BLTP1: variants seen among roughly 807,000 people sequenced by gnomAD.
BLTP1 encodes the protein fragile site-associated protein.
At chr4:122,308,731 C>G in the BLTP1 span, among the ~76,000 whole-genome samples, 297 of 152,162 alleles carry the variant, frequency 2.0e-3, no homozygotes, top group Non-Finnish European at 3.5e-3. Context: ...CTATGAACAC[C>G]TGTCAGGCCA....
chr4:122,203,753 AATG>A, the BLTP1 span: 2 of 343,676 alleles, frequency 5.8e-6, no homozygotes, highest in South Asian at 1.2e-4. Flanking sequence ...CTAATTATAA[AATG>A]ATATGTTGAA....
At chr4:122,205,929 T>C in the BLTP1 span, 40 of 984,644 alleles carry the variant, frequency 4.1e-5, no homozygotes, top group Non-Finnish European at 4.7e-5. Context: ...GAGTGTACAA[T>C]GCATGTAAAA....
chr4:122,360,379 T>C, the BLTP1 span, among the ~76,000 whole-genome samples: 1 of 152,232 alleles, frequency 6.6e-6, no homozygotes, highest in African/African-American at 2.4e-5. Context: ...TTGCTTTGTG[T>C]GTCCTTGTTT....
At chr4:122,331,165 A>G in the BLTP1 span, 1 of 930,820 alleles carries the variant, frequency 1.1e-6, no homozygotes. Flanking sequence ...TTCAGTACAT[A>G]GTAGCTGAAT....
chr4:122,179,734 G>T, the BLTP1 span: 1 of 548,110 alleles, frequency 1.8e-6, no homozygotes, highest in Non-Finnish European at 2.3e-6. Flanking sequence ...GTACACTTAT[G>T]TACAGAGAAA....
At chr4:122,272,972 C>CAGATATGGTCAG in the BLTP1 span, among the ~76,000 whole-genome samples, 3 of 151,934 alleles carry the variant, frequency 2.0e-5, no homozygotes, top group Non-Finnish European at 4.4e-5. Context: ...GGTCAGATGC[C>CAGATATGGTCAG]ATTGATTGTA....
At chr4:122,290,580 G>C in the BLTP1 span, among the ~76,000 whole-genome samples, 5 of 151,568 alleles carry the variant, frequency 3.3e-5, no homozygotes, top group African/African-American at 1.2e-4. Context: ...TAGGTCAGGA[G>C]GTCAAAACCA....
chr4:122,324,831 C>T, the BLTP1 span, among the ~76,000 whole-genome samples: 1 of 151,774 alleles, frequency 6.6e-6, no homozygotes, highest in African/African-American at 2.4e-5. Context: ...AAGTTTTATG[C>T]GTAAACTTAT....
At chr4:122,194,651 A>G in the BLTP1 span, 1 of 964,782 alleles carries the variant, frequency 1.0e-6, no homozygotes, top group Non-Finnish European at 1.2e-6. Flanking sequence ...GCTTTAACAT[A>G]GGGCCATGAA....
the BLTP1 span, among the ~76,000 whole-genome samples, chr4:122,248,320 T>C: frequency 2.5e-3 from 376 of 152,174 alleles, 3 homozygotes; most frequent in Non-Finnish European, 3.9e-3. Flanking sequence ...AGCAGAACCT[T>C]ATATAATTTT....
chr4:122,339,113 T>C, the BLTP1 span: 35 of 1,382,478 alleles, frequency 2.5e-5, no homozygotes, highest in Non-Finnish European at 3.1e-5. Flanking sequence ...AAAAAAATGT[T>C]TCTTAAGTTT....
chr4:122,176,163 C>T, the BLTP1 span, among the ~76,000 whole-genome samples: 6 of 151,788 alleles, frequency 4.0e-5, no homozygotes, highest in Admixed American at 2.0e-4. Context: ...ATTAGCTGGG[C>T]GTGGTGGTGG....
At chr4:122,152,695 C>T in the BLTP1 span, 1 of 940,560 alleles carries the variant, frequency 1.1e-6, no homozygotes, top group Non-Finnish European at 1.3e-6. Context: ...TAGTGGCTGC[C>T]TGCGGCGGCG....
At chr4:122,254,359 T>G in the BLTP1 span, 1 of 1,551,234 alleles carries the variant, frequency 6.4e-7, no homozygotes, top group South Asian at 1.1e-5. Context: ...AAAGAGTTTT[T>G]AAAATATAGT....
the BLTP1 span, chr4:122,324,506 G>GA: frequency 6.2e-7 from 1 of 1,610,708 alleles, no homozygotes; most frequent in East Asian, 2.2e-5. Context: ...GCTTCTGGAA[G>GA]ACCACCTCTT....
the BLTP1 span, among the ~76,000 whole-genome samples, chr4:122,296,127 G>T: frequency 6.6e-6 from 1 of 152,178 alleles, no homozygotes; most frequent in African/African-American, 2.4e-5. Flanking sequence ...AATAGGAAGA[G>T]AAGTCAAATT....
the BLTP1 span, chr4:122,183,028 A>G: frequency 1.0e-6 from 1 of 985,118 alleles, no homozygotes; most frequent in Non-Finnish European, 1.2e-6. Context: ...TGAAGTAACT[A>G]CTTTTCTCAA....
At chr4:122,157,168 G>A in the BLTP1 span, among the ~76,000 whole-genome samples, 3 of 152,158 alleles carry the variant, frequency 2.0e-5, no homozygotes, top group African/African-American at 2.4e-5. Context: ...CTTTGTATTA[G>A]TATCTATGGC....
the BLTP1 span, chr4:122,219,042 C>T: frequency 3.9e-6 from 2 of 511,776 alleles, no homozygotes; most frequent in Non-Finnish European, 5.0e-6. Flanking sequence ...TGCAAACCTT[C>T]AGAGGTCTCT....
Sources: gnomAD v4.1 joint callset for allele counts (sites outside exome capture counted in the v4.1 genomes callset) on GRCh38, gnomAD v4.1.1 for gene constraint, MANE v1.5 for transcripts, NCBI Gene and HGNC (gene_info 2026-07-23, HGNC 2026-07-21) for gene names.